The following ADAMTSL1 variants were observed in gnomAD, a reference collection of about 807,000 sequenced individuals.
The protein encoded by ADAMTSL1 is ADAMTS-like protein 1.
A neutral mutation model predicts 201.8 loss-of-function variants in ADAMTSL1; 126 were observed. That is an observed-to-expected ratio of 0.62 (90% CI 0.54 to 0.72). The LOEUF (loss-of-function observed/expected upper bound fraction) is 0.72, where lower values mean the gene tolerates loss of function less well. Ranked by LOEUF, ADAMTSL1 falls within the 30% of genes least tolerant of loss-of-function variation. ADAMTSL1 has a pLI of 0.00. For synonymous variants in ADAMTSL1, 1,121 were observed against 903.4 expected (o/e 1.24, Z -4.32); for missense variants, 2,679 against 2,277.8 (o/e 1.18, Z -3.59).
chr9:18,440,213 C>T (rs376866885), intron 2 of ADAMTSL1, among the ~76,000 whole-genome samples: 1 of 152,182 alleles, frequency 6.6e-6, no homozygotes, highest in African/African-American at 2.4e-5. Flanking sequence ...CTGGAAAACA[C>T]CTTGCATCCT....
chr9:18,052,098 G>C (rs149743819), intron 1 of ADAMTSL1, among the ~76,000 whole-genome samples: 1 of 152,164 alleles, frequency 6.6e-6, no homozygotes, highest in African/African-American at 2.4e-5. Context: ...AGTGCAGAAG[G>C]GTCCACAGTC....
chr9:18,180,099 A>G (rs1828385334), intron 2 of ADAMTSL1, among the ~76,000 whole-genome samples: 1 of 152,222 alleles, frequency 6.6e-6, no homozygotes, highest in African/African-American at 2.4e-5. Context: ...TAAAGAGTCA[A>G]GACCCATCAC....
At chr9:18,388,634 C>G (rs2133212104) in intron 2 of ADAMTSL1, among the ~76,000 whole-genome samples, 1 of 151,216 alleles carries the variant, frequency 6.6e-6, no homozygotes, top group East Asian at 1.9e-4. Flanking sequence ...TTAATTGCTT[C>G]CTTTCTAGAC....
chr9:18,442,780 T>C (rs1820046931), intron 2 of ADAMTSL1, among the ~76,000 whole-genome samples: 2 of 152,308 alleles, frequency 1.3e-5, no homozygotes, highest in Non-Finnish European at 1.5e-5. Context: ...TTTGCTGTCA[T>C]GCATAGACTG....
At chr9:17,931,035 A>G (rs1005703183) in intron 1 of ADAMTSL1, among the ~76,000 whole-genome samples, 2 of 152,176 alleles carry the variant, frequency 1.3e-5, no homozygotes, top group Middle Eastern at 3.2e-3. Flanking sequence ...TTGATGAACT[A>G]CAAATAAAAA....
At chr9:18,479,800 G>C (rs1821631076) in intron 1 of ADAMTSL1, among the ~76,000 whole-genome samples, 2 of 152,054 alleles carry the variant, frequency 1.3e-5, no homozygotes, top group Non-Finnish European at 2.9e-5. Flanking sequence ...AGAATGACTT[G>C]GCAAGAAAAG....
intron 7 of ADAMTSL1, among the ~76,000 whole-genome samples, chr9:18,650,683 C>T (rs1039563019): frequency 6.6e-6 from 1 of 152,138 alleles, no homozygotes; most frequent in Non-Finnish European, 1.5e-5. Context: ...TTGGAATATC[C>T]TTCTCTTGCC....
At chr9:18,379,159 T>C (rs980583554) in intron 2 of ADAMTSL1, among the ~76,000 whole-genome samples, 1 of 152,204 alleles carries the variant, frequency 6.6e-6, no homozygotes, top group African/African-American at 2.4e-5. Context: ...GGCCATCGTT[T>C]TGGACAAAGC....
In ADAMTSL1 at chr9:18,909,840, A is replaced by AGG. The variant is rs1378031541; in HGVS notation, c.*1292_*1293insGG. 8 of 152,102 alleles carry AGG rather than the reference A, an allele frequency of 5.3e-5. No individual in the cohort carries two copies. Among genetic ancestry groups the AGG allele is most frequent in the South Asian group, 2.1e-4 (1 of 4,822 alleles). The allele number at this position is 152,102 out of a possible 1,614,324, so 9.4% of individuals were successfully genotyped here. A position where few individuals can be genotyped will look rare whatever the true frequency, so the allele number is the denominator to read the frequency against. ...AGCAAGGCGGGGTGGTGGAGGCAGC[A>AGG]CCCTGGCAAAGCAGCTCACACACTG... is the stretch of plus-strand genomic sequence containing the variant. On this transcript the variant is annotated 3_prime_UTR_variant, in exon 29 of 29. Transcript: ENST00000380548.
At chr9:18,647,830 G>T (rs931339889) in intron 7 of ADAMTSL1, among the ~76,000 whole-genome samples, 11 of 151,684 alleles carry the variant, frequency 7.3e-5, no homozygotes, top group Non-Finnish European at 1.5e-4. Context: ...TTTGGAATAG[G>T]TGTGGTGTGG....
At chr9:18,353,307 AC>A (rs1227161096) in intron 2 of ADAMTSL1, among the ~76,000 whole-genome samples, 2 of 152,220 alleles carry the variant, frequency 1.3e-5, no homozygotes, top group Non-Finnish European at 2.9e-5. Context: ...TTGAGTATAA[AC>A]TTAACTCATT....
intron 1 of ADAMTSL1, among the ~76,000 whole-genome samples, chr9:18,145,164 T>A (rs1253937721): frequency 6.6e-6 from 1 of 152,178 alleles, no homozygotes; most frequent in Non-Finnish European, 1.5e-5. Context: ...AAAAGTAGAC[T>A]GTTGAGGATA....
At chr9:18,420,056 C>A (rs558783193) in intron 2 of ADAMTSL1, among the ~76,000 whole-genome samples, 2 of 152,258 alleles carry the variant, frequency 1.3e-5, no homozygotes, top group South Asian at 4.1e-4. Flanking sequence ...AACAAAATTG[C>A]AGTGTTGTAT....
intron 3 of ADAMTSL1, among the ~76,000 whole-genome samples, chr9:18,554,553 T>C (rs1327195949): frequency 6.6e-6 from 1 of 151,794 alleles, no homozygotes. Flanking sequence ...GTTTCCCAAA[T>C]TGTCATGAGT....
intron 2 of ADAMTSL1, among the ~76,000 whole-genome samples, chr9:18,247,513 A>T (rs993457381): frequency 6.6e-6 from 1 of 152,228 alleles, no homozygotes; most frequent in Non-Finnish European, 1.5e-5. Flanking sequence ...TACATATCAA[A>T]TACTAAGTTG....
At chr9:18,207,551 T>C (rs1829703220) in intron 2 of ADAMTSL1, among the ~76,000 whole-genome samples, 2 of 152,204 alleles carry the variant, frequency 1.3e-5, no homozygotes, top group Admixed American at 1.3e-4. Flanking sequence ...AAGTCCTGCA[T>C]AATTTTAACA....
chr9:17,963,880 A>G (rs925974519), intron 1 of ADAMTSL1, among the ~76,000 whole-genome samples: 1 of 152,142 alleles, frequency 6.6e-6, no homozygotes, highest in African/African-American at 2.4e-5. Context: ...CGGAATCCTC[A>G]GTGACAGCTG....
intron 19 of ADAMTSL1, among the ~76,000 whole-genome samples, chr9:18,786,682 T>C (rs571136911): frequency 6.6e-6 from 1 of 152,302 alleles, no homozygotes; most frequent in African/African-American, 2.4e-5. Context: ...TTCACTCTTA[T>C]TTGAGGAACA....
intron 1 of ADAMTSL1, among the ~76,000 whole-genome samples, chr9:17,986,399 A>G (rs139075299): frequency 1.0e-3 from 152 of 152,142 alleles, no homozygotes; most frequent in Middle Eastern, 3.4e-3. Context: ...TTTTGAAGAC[A>G]TACCAGATAG....
Sources: gnomAD v4.1 joint callset for allele counts (sites outside exome capture counted in the v4.1 genomes callset) on GRCh38, gnomAD v4.1.1 for gene constraint, MANE v1.5 for transcripts, NCBI Gene and HGNC (gene_info 2026-07-23, HGNC 2026-07-21) for gene names.